The following PLEKHG7 variants were observed in gnomAD, a reference collection of about 807,000 sequenced individuals.
PLEKHG7 encodes pleckstrin homology and RhoGEF domain containing G7.
PLEKHG7 carries 77 observed loss-of-function variants against 85.2 expected under a neutral mutation model. The ratio of observed to expected loss-of-function variants is 0.90; its 90% CI spans 0.75 to 1.09. The LOEUF (loss-of-function observed/expected upper bound fraction) is 1.09. Ranked by LOEUF, PLEKHG7 falls within the 50% of genes least tolerant of loss-of-function variation. PLEKHG7 has a pLI of 0.00. For missense variants in PLEKHG7, 777 were observed against 804.3 expected (o/e 0.97, Z 0.41); for synonymous variants, 301 against 302.4 (o/e 1.00, Z 0.05).
At chr12:92,742,798 C>T (rs555171213) in intron 9 of PLEKHG7, among the ~76,000 whole-genome samples, 1 of 152,032 alleles carries the variant, frequency 6.6e-6, no homozygotes, top group East Asian at 1.9e-4. Context: ...GTTGGTCAGG[C>T]TGGTCTCGAA....
In PLEKHG7 at chr12:92,706,569, C is replaced by A; in HGVS notation, c.-63C>A. On this transcript the variant is annotated 5_prime_UTR_variant, in exon 2 of 17. Coordinates refer to ENST00000344636, the MANE Select transcript of PLEKHG7 (RefSeq NM_001377329.1). The stretch of plus-strand genomic sequence containing the variant: ...AGAAATTGAGCACCCTCCATGTGAT[C>A]CAGAGAACAGCAACTCATACGTCTT... 6.6e-7 allele frequency: 1 copy of A among 1,516,060 alleles called. No homozygotes were observed. The allele number at this position is 1,516,060 out of a possible 1,614,324, so 93.9% of individuals were successfully genotyped here.
chr12:92,703,736 G>A (rs1272935951), intron 1 of PLEKHG7, among the ~76,000 whole-genome samples: 1 of 152,248 alleles, frequency 6.6e-6, no homozygotes, highest in Non-Finnish European at 1.5e-5. Flanking sequence ...CATTTCCGCA[G>A]TGCATCATGT....
rs1326554731 is a variant in PLEKHG7, at chr12:92,772,258, T to C, written c.*2063T>C. The C allele has an allele frequency of 6.6e-6, 1 of 151,952 alleles. No homozygotes were observed. Among genetic ancestry groups the C allele is most frequent in the Admixed American group, 6.6e-5 (1 of 15,230 alleles). 9.4% of individuals were successfully genotyped at this position (151,952 alleles called of 1,614,324 possible). On this transcript the variant is annotated 3_prime_UTR_variant, in exon 17 of 17. Coordinates refer to ENST00000344636, the MANE Select transcript of PLEKHG7 (RefSeq NM_001377329.1). ...ACAATGAAATAAGGGGTTAATTACATATTTTTTATATTTGTTTTTAGTTTT... is the reference window on the plus strand; with the variant it reads ...ACAATGAAATAAGGGGTTAATTACACATTTTTTATATTTGTTTTTAGTTTT...
intron 3 of PLEKHG7, among the ~76,000 whole-genome samples, chr12:92,715,840 G>A (rs954747953): frequency 4.0e-5 from 6 of 151,782 alleles, no homozygotes; most frequent in African/African-American, 1.5e-4. Context: ...ACTCATTTGT[G>A]CATTGCCTGT....
intron 3 of PLEKHG7, among the ~76,000 whole-genome samples, chr12:92,723,363 T>C (rs1871698725): frequency 6.6e-6 from 1 of 152,206 alleles, no homozygotes; most frequent in African/African-American, 2.4e-5. Flanking sequence ...AAGATACTTT[T>C]CATGAGAGAA....
rs535129296 is a variant in PLEKHG7 at position 92,721,386 on chromosome 12, C to T, written c.531-7607C>T. ...TGCTCTGAATTGTTGCTTTCTCAGCCCACACCATGGACCTTCAGATCTTCA... is the reference window on the plus strand; with the variant it reads ...TGCTCTGAATTGTTGCTTTCTCAGCTCACACCATGGACCTTCAGATCTTCA... On this transcript the variant is annotated intron_variant, in intron 3 of 16. Coordinates refer to ENST00000344636, the MANE Select transcript of PLEKHG7 (RefSeq NM_001377329.1). 33 of 1,124,292 alleles carry T rather than the reference C, an allele frequency of 2.9e-5. 1 individual carries two copies. The South Asian group carries it at 1.5e-3, about 51-fold the overall frequency. 69.6% of individuals were successfully genotyped at this position (1,124,292 alleles called of 1,614,324 possible).
intron 3 of PLEKHG7, chr12:92,708,539 T>G (rs1320413563): frequency 2.6e-5 from 4 of 152,226 alleles, no homozygotes; most frequent in Non-Finnish European, 4.4e-5. Flanking sequence ...AAAAAACCAC[T>G]TAAAGTAACA....
chr12:92,722,841 C>A (rs568785389), intron 3 of PLEKHG7, among the ~76,000 whole-genome samples: 1 of 152,306 alleles, frequency 6.6e-6, no homozygotes, highest in African/African-American at 2.4e-5. Flanking sequence ...ACAAGCTTAT[C>A]TGAATACTTG....
At chr12:92,755,587 A>C (rs1320063747) in intron 11 of PLEKHG7, among the ~76,000 whole-genome samples, 1 of 152,234 alleles carries the variant, frequency 6.6e-6, no homozygotes, top group African/African-American at 2.4e-5. Context: ...TACACAATAT[A>C]CTTTCAAACT....
chr12:92,728,805 C>A (rs1871898698), intron 3 of PLEKHG7, among the ~76,000 whole-genome samples, 188 bp from the exon 4 acceptor site: 1 of 151,994 alleles, frequency 6.6e-6, no homozygotes, highest in African/African-American at 2.4e-5. Flanking sequence ...ATTTTTAGTT[C>A]TTTGAAATAT....
Position 92,770,310 on chromosome 12 carries a change from G to C in PLEKHG7, c.*115G>C. On this transcript the variant is annotated 3_prime_UTR_variant, in exon 17 of 17. Coordinates refer to ENST00000344636, the MANE Select transcript of PLEKHG7 (RefSeq NM_001377329.1). ...GCTAGAAGGAAATTTGCATTTTAAA[G>C]AAGTTTCAGAATTTGAAATTTTGAG... 1.2e-6 allele frequency: 1 copy of C among 828,886 alleles called. No individual in the cohort carries two copies. The highest frequency in any genetic ancestry group is 1.7e-5 in the South Asian group (1 of 57,676). The allele number at this position is 828,886 out of a possible 1,614,324, so 51.3% of individuals were successfully genotyped here. A position where few individuals can be genotyped will look rare whatever the true frequency, so the allele number is the denominator to read the frequency against.
At chr12:92,712,590 G>A (rs892698040) in intron 3 of PLEKHG7, among the ~76,000 whole-genome samples, 10 of 152,204 alleles carry the variant, frequency 6.6e-5, no homozygotes, top group Non-Finnish European at 8.8e-5. Context: ...TGCGTCTTTC[G>A]AGTCCTTGAT....
intron 3 of PLEKHG7, among the ~76,000 whole-genome samples, chr12:92,713,926 T>G (rs1174714626): frequency 6.6e-6 from 1 of 152,190 alleles, no homozygotes; most frequent in Non-Finnish European, 1.5e-5. Context: ...AATCAATAAA[T>G]TCAGCCTGAT....
intron 13 of PLEKHG7, among the ~76,000 whole-genome samples, chr12:92,760,104 G>A (rs925550646): frequency 3.3e-5 from 5 of 152,042 alleles, no homozygotes; most frequent in Admixed American, 6.6e-5. Flanking sequence ...TGCCCTTCAC[G>A]AATATGACTC....
At chr12:92,761,643 A>AAGG (rs1565797583) in intron 13 of PLEKHG7, 109 bp from the exon 14 acceptor site, 6 of 533,052 alleles carry the variant, frequency 1.1e-5, no homozygotes, top group Non-Finnish European at 1.1e-5. Flanking sequence ...AGAAAGAAAG[A>AAGG]AAGAAAGAAA....
At chr12:92,717,368 T>C (rs928594335) in intron 3 of PLEKHG7, among the ~76,000 whole-genome samples, 4 of 152,164 alleles carry the variant, frequency 2.6e-5, no homozygotes, top group East Asian at 3.8e-4. Flanking sequence ...GGGTTACCAA[T>C]AGGGGGCAGC....
At chr12:92,753,178 G>A (rs995632062) in intron 10 of PLEKHG7, among the ~76,000 whole-genome samples, 1 of 152,052 alleles carries the variant, frequency 6.6e-6, no homozygotes, top group Non-Finnish European at 1.5e-5. Flanking sequence ...GGTCAATTTG[G>A]TGTGAGTGTT....
intron 5 of PLEKHG7, among the ~76,000 whole-genome samples, chr12:92,735,705 G>A (rs1481968072): frequency 6.6e-6 from 1 of 152,162 alleles, no homozygotes; most frequent in Admixed American, 6.5e-5. Flanking sequence ...AAAAGAAAAT[G>A]TTCACAATAT....
At chr12:92,707,277 C>A in intron 2 of PLEKHG7, 139 bp downstream of exon 2, 1 of 1,438,492 alleles carries the variant, frequency 7.0e-7, no homozygotes. Context: ...GGGACACATT[C>A]TCTTTAGGAA....
Sources: allele counts gnomAD v4.1 joint callset (sites outside exome capture counted in the v4.1 genomes callset), GRCh38; gene constraint gnomAD v4.1.1; transcripts MANE v1.5; gene names NCBI Gene and HGNC (gene_info 2026-07-23, HGNC 2026-07-21).